Variants in MAP3K5 observed in about 807,000 individuals in gnomAD.
The protein encoded by MAP3K5 is ASK-1.
A neutral mutation model predicts 158.7 loss-of-function variants in MAP3K5; 56 were observed. The observed-to-expected ratio is 0.35, with a 90% CI of 0.28 to 0.44. MAP3K5 has a LOEUF of 0.44. MAP3K5 is among the 20% of genes least tolerant of loss of function. The pLI is 1.00. For synonymous variants in MAP3K5, 579 were observed against 601.7 expected (o/e 0.96, Z 0.55); for missense variants, 1,294 against 1,674.8 (o/e 0.77, Z 3.97).
intron 7 of MAP3K5, among the ~76,000 whole-genome samples, chr6:136,692,110 T>C (rs1211180320): frequency 6.6e-6 from 1 of 152,048 alleles, no homozygotes; most frequent in African/African-American, 2.4e-5. Context: ...TATTTTTATA[T>C]TGTCCAGGCA....
rs1780753071 is a variant in MAP3K5, at chr6:136,699,498, C to CAAT, written c.613-817_613-816insATT. Among the ~76,000 whole-genome samples, 7 of 152,032 alleles carry CAAT rather than the reference C, an allele frequency of 4.6e-5. 1 individual carries two copies. In the South Asian group the frequency reaches 1.5e-3, roughly 32 times the overall value. On this transcript the variant is annotated intron_variant, in intron 3 of 29. Coordinates refer to ENST00000359015, the MANE Select transcript of MAP3K5 (RefSeq NM_005923.4). ...GGAGAAAGAAGAAATTGCAATGCAACGTACAAGGGCCTGACTACGCAGATC... is the reference window on the plus strand; with the variant it reads ...GGAGAAAGAAGAAATTGCAATGCAACAATGTACAAGGGCCTGACTACGCAGATC...
chr6:136,694,400 C>T (rs990571494), intron 6 of MAP3K5, 90 bp from the exon 7 acceptor site: 2 of 1,053,016 alleles, frequency 1.9e-6, no homozygotes, highest in Non-Finnish European at 2.7e-6. Context: ...CATGTTGATT[C>T]ATATTAGAGA....
At chr6:136,567,522 T>C in intron 26 of MAP3K5, 109 bp downstream of exon 26, 1 of 1,150,400 alleles carries the variant, frequency 8.7e-7, no homozygotes, top group South Asian at 1.8e-5. Flanking sequence ...AGGCATTCAA[T>C]CAAGTTTCCA....
chr6:136,627,511 A>T (rs1451798188), intron 14 of MAP3K5, among the ~76,000 whole-genome samples: 1 of 152,144 alleles, frequency 6.6e-6, no homozygotes, highest in East Asian at 1.9e-4. Flanking sequence ...CCCCCTCTTC[A>T]GCGCCCTCAA....
chr6:136,679,885 A>C (rs1256060704), intron 7 of MAP3K5, among the ~76,000 whole-genome samples: 1 of 152,222 alleles, frequency 6.6e-6, no homozygotes, highest in Non-Finnish European at 1.5e-5. Flanking sequence ...ATAGCCAAAA[A>C]AGTTGGAAAC....
intron 7 of MAP3K5, among the ~76,000 whole-genome samples, chr6:136,689,999 T>C (rs970225882): frequency 3.3e-5 from 5 of 152,146 alleles, no homozygotes; most frequent in African/African-American, 4.8e-5. Context: ...TCAAGGACTA[T>C]TTTGGGAATG....
chr6:136,558,556 G>T (rs1830356239), intron 29 of MAP3K5, among the ~76,000 whole-genome samples: 1 of 152,100 alleles, frequency 6.6e-6, no homozygotes, highest in Non-Finnish European at 1.5e-5. Context: ...CATGGACTTA[G>T]TCTGCATCTT....
Position 136,637,368 on chromosome 6 carries a change from C to T in MAP3K5, c.1973G>A (p.Gly658Glu). 1.9e-6 allele frequency: 3 copies of T among 1,612,494 alleles called. No individual in the cohort carries two copies. Among genetic ancestry groups the T allele is most frequent in the Non-Finnish European group, 2.5e-6 (3 of 1,178,534 alleles). ...ACAGTCTCCTTCCTCTGTGCTTCTC[C>T]CCTTCTCTTCGGTAATGGTGTTCAC... ...EMVNTITEEK[G>E]RSTEEGDCES... Residue 658 changes from glycine to glutamate, a missense_variant, in exon 14 of 30, where the codon GGG becomes GAG. By Grantham distance (98) the Gly-to-Glu change is moderately conservative. Around this residue, in one of 5 missense-constraint regions of MAP3K5, gnomAD observed 690 missense variants for 870.5 expected, o/e 0.79. Transcript: ENST00000359015.
At chr6:136,763,253 T>C (rs945328842) in intron 1 of MAP3K5, among the ~76,000 whole-genome samples, 1 of 152,202 alleles carries the variant, frequency 6.6e-6, no homozygotes, top group African/African-American at 2.4e-5. Context: ...ACCATCTCTG[T>C]TTTCCTGCAT....
chr6:136,653,664 C>T (rs1054587562), intron 10 of MAP3K5, among the ~76,000 whole-genome samples: 42 of 152,300 alleles, frequency 2.8e-4, no homozygotes, highest in African/African-American at 1.0e-3. Flanking sequence ...TAAAAATCAT[C>T]TATATGGCTT....
At chr6:136,640,199 T>C (rs1000575914) in intron 12 of MAP3K5, among the ~76,000 whole-genome samples, 3 of 152,220 alleles carry the variant, frequency 2.0e-5, no homozygotes. Flanking sequence ...CCATGCTGTT[T>C]TATGCCAGGG....
intron 27 of MAP3K5, 34 bp downstream of exon 27, chr6:136,562,469 G>T: frequency 8.9e-7 from 1 of 1,129,136 alleles, no homozygotes; most frequent in South Asian, 1.7e-5. Context: ...CAGCCTGGCT[G>T]AACAGTATTA....
chr6:136,626,115 A>C (rs995610665), intron 14 of MAP3K5, among the ~76,000 whole-genome samples: 2 of 152,242 alleles, frequency 1.3e-5, no homozygotes, highest in African/African-American at 4.8e-5. Context: ...TCTTGGGTAC[A>C]CACGCATGAC....
intron 1 of MAP3K5, among the ~76,000 whole-genome samples, chr6:136,721,754 G>A (rs11757248): frequency 0.37 from 56,960 of 151,986 alleles, 12,192 homozygotes; most frequent in Middle Eastern, 0.49. Context: ...ACAGTGGCAC[G>A]CACCTGTAAT....
Position 136,613,038 on chromosome 6 carries a change from CAT to C in MAP3K5, c.2415+80_2415+81del. The stretch of plus-strand genomic sequence containing the variant: ...TTATTCACCATTCTAAATTAATACT[CAT>C]AACACAATATGACTTTTGCAAGTAA... On this transcript the variant is annotated intron_variant, in intron 17 of 29. Coordinates refer to ENST00000359015, the MANE Select transcript of MAP3K5 (RefSeq NM_005923.4). This position sits in a 1 kb window ranked among gnomAD's most constrained non-coding sequence, Gnocchi z 4.0. 1.5e-6 allele frequency: 2 copies of C among 1,302,008 alleles called. No homozygotes were observed. The highest frequency in any genetic ancestry group is 3.0e-5 in the South Asian group (2 of 67,476). The allele number at this position is 1,302,008 out of a possible 1,614,324, so 80.7% of individuals were successfully genotyped here.
chr6:136,663,217 G>A (rs1779082956), intron 8 of MAP3K5, among the ~76,000 whole-genome samples: 1 of 152,174 alleles, frequency 6.6e-6, no homozygotes, highest in South Asian at 2.1e-4. Flanking sequence ...ATAAGTGGTG[G>A]AGGTTAGATC....
chr6:136,746,293 G>A (rs1782955313), intron 1 of MAP3K5, among the ~76,000 whole-genome samples: 1 of 151,786 alleles, frequency 6.6e-6, no homozygotes, highest in South Asian at 2.1e-4. Flanking sequence ...TTTGAGGGGG[G>A]GGCAGGAAAA....
intron 2 of MAP3K5, among the ~76,000 whole-genome samples, chr6:136,709,678 CCTCTTACATGTCTCCTCCA>C (rs1289625467): frequency 2.0e-5 from 3 of 152,158 alleles, no homozygotes; most frequent in African/African-American, 4.8e-5. Flanking sequence ...GAATAATAAC[CCTCTTACATGTCTCCTCCA>C]TCTTCATTTC....
intron 1 of MAP3K5, among the ~76,000 whole-genome samples, chr6:136,726,203 A>G (rs1286310360): frequency 1.3e-5 from 2 of 152,206 alleles, no homozygotes; most frequent in African/African-American, 4.8e-5. Context: ...GTTGATATCT[A>G]TCAATTGATA....
Sources: gnomAD v4.1 joint callset for allele counts (sites outside exome capture counted in the v4.1 genomes callset) on GRCh38, gnomAD v4.1.1 for gene constraint, gnomAD v4.1.1 regional missense constraint, Gnocchi (gnomAD v3.1) non-coding constraint, MANE v1.5 for transcripts, NCBI Gene and HGNC (gene_info 2026-07-23, HGNC 2026-07-21) for gene names.